Variants in DOCK3 observed in about 807,000 individuals in gnomAD.
DOCK3 encodes dedicator of cytokinesis 3.
In DOCK3, 60 loss-of-function variants were observed where a neutral mutation model predicts 265.6. That is an observed-to-expected ratio of 0.23 (90% CI 0.18 to 0.28). DOCK3 has a LOEUF of 0.28. Ranked by LOEUF, DOCK3 falls within the 10% of genes least tolerant of loss-of-function variation. The pLI is 1.00. For synonymous variants in DOCK3, 881 were observed against 938.0 expected, an observed-to-expected ratio of 0.94 and a Z score of 1.11; for missense variants, 1,981 against 2,594.3, an observed-to-expected ratio of 0.76 and a Z score of 5.14.
At chr3:51,309,536 A>G (rs1301131445) in intron 27 of DOCK3, among the ~76,000 whole-genome samples, 1 of 152,246 alleles carries the variant, frequency 6.6e-6, no homozygotes, top group Non-Finnish European at 1.5e-5. Flanking sequence ...TGGCAGCAGT[A>G]CAGTCCAGCT....
chr3:50,695,249 T>C (rs548048321), intron 1 of DOCK3, among the ~76,000 whole-genome samples: 18 of 152,254 alleles, frequency 1.2e-4, no homozygotes, highest in Non-Finnish European at 2.2e-4. Flanking sequence ...TTAATACTTA[T>C]GCATGTATAA....
chr3:50,959,745 A>G (rs1029985016), intron 5 of DOCK3, among the ~76,000 whole-genome samples: 2 of 151,512 alleles, frequency 1.3e-5, no homozygotes, highest in Non-Finnish European at 2.9e-5. Flanking sequence ...ACGCCCGGCT[A>G]ATTTTTTTGT....
At chr3:51,379,172 C>A (rs941740451) in intron 51 of DOCK3, among the ~76,000 whole-genome samples, 1 of 152,224 alleles carries the variant, frequency 6.6e-6, no homozygotes, top group Non-Finnish European at 1.5e-5. Flanking sequence ...AGGCTGCAGG[C>A]GTTCACTCCT....
At chr3:50,775,695 G>T (rs1219354579) in intron 1 of DOCK3, among the ~76,000 whole-genome samples, 2 of 151,910 alleles carry the variant, frequency 1.3e-5, no homozygotes, top group African/African-American at 4.8e-5. Context: ...CCTGTTACCC[G>T]AGCAGTGTAC....
At chr3:51,135,050 A>G (rs1162301514) in intron 9 of DOCK3, among the ~76,000 whole-genome samples, 1 of 152,184 alleles carries the variant, frequency 6.6e-6, no homozygotes, top group Non-Finnish European at 1.5e-5. Context: ...CAAAATAATC[A>G]ATACCAGAGC....
intron 9 of DOCK3, among the ~76,000 whole-genome samples, chr3:51,099,657 A>G (rs1364995189): frequency 1.3e-5 from 2 of 152,222 alleles, no homozygotes; most frequent in African/African-American, 2.4e-5. Context: ...TTATTTTTAC[A>G]CCTGCTATGT....
At chr3:51,154,385 T>C (rs756190898) in intron 10 of DOCK3, among the ~76,000 whole-genome samples, 12 of 152,114 alleles carry the variant, frequency 7.9e-5, no homozygotes, top group Non-Finnish European at 1.6e-4. Flanking sequence ...TAAGATGGCT[T>C]AGTCTGGGAA....
At chr3:51,267,132 T>C (rs1437351437) in intron 23 of DOCK3, among the ~76,000 whole-genome samples, 1 of 152,124 alleles carries the variant, frequency 6.6e-6, no homozygotes, top group Non-Finnish European at 1.5e-5. Flanking sequence ...CATCTCACAC[T>C]AGTTAGAATG....
At chr3:51,246,251 C>G (rs1156336009) in intron 21 of DOCK3, among the ~76,000 whole-genome samples, 35 of 31,516 alleles carry the variant, frequency 1.1e-3, no homozygotes, top group Non-Finnish European at 2.2e-3. Flanking sequence ...TTTTTTTTTT[C>G]AGATGAGATA....
At position 51,374,626 on chromosome 3, in the gene DOCK3, T is replaced by C. The variant is rs760390368; in HGVS notation, c.5412+39T>C. 28 of 1,548,700 alleles carry C rather than the reference T, an allele frequency of 1.8e-5. No homozygotes were observed. Among genetic ancestry groups the C allele is most frequent in the Non-Finnish European group, 1.3e-5 (15 of 1,134,420 alleles). ...CACACTGACTGTCCTCTGCTGCAAG[T>C]GTGTTAGCCTGTGCTTCCCTCCTTG... On this transcript the variant is annotated intron_variant, in intron 50 of 52. Coordinates refer to ENST00000266037, the MANE Select transcript of DOCK3 (RefSeq NM_004947.5). The surrounding 1 kb of genome is among the most constrained non-coding windows in gnomAD (Gnocchi z 4.8).
intron 32 of DOCK3, among the ~76,000 whole-genome samples, chr3:51,318,494 A>G (rs2083494008): frequency 6.6e-6 from 1 of 152,188 alleles, no homozygotes; most frequent in Admixed American, 6.5e-5. Context: ...TGTTTTGTAT[A>G]CAGATCTTAC....
At chr3:51,051,276 T>C (rs1404039561) in intron 5 of DOCK3, among the ~76,000 whole-genome samples, 2 of 152,218 alleles carry the variant, frequency 1.3e-5, no homozygotes, top group Non-Finnish European at 2.9e-5. Context: ...AAAAGGATTA[T>C]TATTTATTAT....
At chr3:50,895,204 C>CTTTTTTTTT (rs34645584) in intron 4 of DOCK3, among the ~76,000 whole-genome samples, 1 of 121,978 alleles carries the variant, frequency 8.2e-6, no homozygotes, top group African/African-American at 3.0e-5. Context: ...TTTATCCCCG[C>CTTTTTTTTT]TTTTTTTTTT....
chr3:50,716,343 T>G (rs1423527061), intron 1 of DOCK3, among the ~76,000 whole-genome samples: 1 of 151,970 alleles, frequency 6.6e-6, no homozygotes, highest in Admixed American at 6.6e-5. Flanking sequence ...CTGGCTAACA[T>G]GGTGAAACCC....
chr3:51,236,771 G>A (rs1474581756), intron 20 of DOCK3, among the ~76,000 whole-genome samples: 1 of 152,136 alleles, frequency 6.6e-6, no homozygotes, highest in Non-Finnish European at 1.5e-5. Flanking sequence ...CACTTACAAA[G>A]TAGGATATAA....
At chr3:50,755,025 A>G (rs2040074875) in intron 1 of DOCK3, among the ~76,000 whole-genome samples, 2 of 152,202 alleles carry the variant, frequency 1.3e-5, no homozygotes, top group Non-Finnish European at 2.9e-5. Flanking sequence ...TAGTTTCCAA[A>G]ACCATTTAGT....
chr3:51,012,789 C>T (rs113149152), intron 5 of DOCK3, among the ~76,000 whole-genome samples: 7 of 152,238 alleles, frequency 4.6e-5, no homozygotes, highest in South Asian at 2.1e-4. Flanking sequence ...ATCTTTGAAT[C>T]GCCCAGATTT....
rs561818477 is a variant in DOCK3 at position 50,716,571 on chromosome 3, T to A, written c.37+41271T>A. 7.3e-5 allele frequency among the ~76,000 whole-genome samples: 11 copies of A among 150,892 alleles called. No homozygotes were observed. The South Asian group carries it at 2.3e-3, about 31-fold the overall frequency. ...ATAATAATAATAAAATTAAAAAAAA[T>A]TATATATATATATTTATTTTTTTTT... On this transcript the variant is annotated intron_variant, in intron 1 of 52. Transcript: ENST00000266037.
intron 2 of DOCK3, among the ~76,000 whole-genome samples, chr3:50,832,684 C>T (rs550920703): frequency 3.9e-5 from 6 of 151,970 alleles, no homozygotes; most frequent in Middle Eastern, 3.4e-3. Flanking sequence ...TTTATTCAAA[C>T]GCCTCTGACA....
Sources: gnomAD v4.1 joint callset for allele counts (sites outside exome capture counted in the v4.1 genomes callset) on GRCh38, gnomAD v4.1.1 for gene constraint, Gnocchi (gnomAD v3.1) non-coding constraint, MANE v1.5 for transcripts, NCBI Gene and HGNC (gene_info 2026-07-23, HGNC 2026-07-21) for gene names.